VPS41: variants seen among roughly 807,000 people sequenced by gnomAD.
VPS41 encodes the protein vacuolar protein sorting-associated protein 41 homolog.
VPS41 carries 85 observed loss-of-function variants against 130.9 expected under a neutral mutation model. The ratio of observed to expected loss-of-function variants is 0.65; its 90% CI spans 0.55 to 0.78. The LOEUF (loss-of-function observed/expected upper bound fraction) is 0.78, where lower values mean the gene tolerates loss of function less well. Among genes scored for constraint, VPS41 ranks in the 30% least tolerant of loss-of-function variants. VPS41 has a pLI of 0.00. For synonymous variants in VPS41, 335 were observed against 332.9 expected (o/e 1.01, Z -0.07); for missense variants, 874 against 1,018.7 (o/e 0.86, Z 1.93).
intron 7 of VPS41, among the ~76,000 whole-genome samples, chr7:38,814,017 C>T (rs777689061): frequency 1.3e-5 from 2 of 152,148 alleles, no homozygotes; most frequent in Non-Finnish European, 2.9e-5. Flanking sequence ...TATCTTATTG[C>T]TTATCACAAT....
At chr7:38,874,098 A>G (rs1786433916) in intron 2 of VPS41, among the ~76,000 whole-genome samples, 1 of 152,190 alleles carries the variant, frequency 6.6e-6, no homozygotes, top group Non-Finnish European at 1.5e-5. Flanking sequence ...ACCAAAAATA[A>G]TTGTGCAGAA....
chr7:38,772,605 C>T lies in VPS41; in HGVS notation c.1045G>A (p.Val349Met), dbSNP rs148839769. The T allele has an allele frequency of 1.9e-5, 31 of 1,613,012 alleles. No homozygotes were observed. Among genetic ancestry groups the T allele is most frequent in the Non-Finnish European group, 2.6e-5 (31 of 1,179,442 alleles). Residue 349 changes from valine (V) to methionine (M), a missense_variant, in exon 13 of 29, where the codon GTG (valine) becomes ATG (methionine). Coordinates refer to ENST00000310301, the MANE Select transcript of VPS41 (RefSeq NM_014396.4). Reference sequence around the variant, plus strand: ...GCCACTACAACATCTCTCGGACTCACGATGTAAAAAAGTGATTCCCCTTCA... The same window carrying T: ...GCCACTACAACATCTCTCGGACTCATGATGTAAAAAAGTGATTCCCCTTCA... ...YSEGESLFYIVSPRDVVVAKE... is the reference protein window; with the variant it reads ...YSEGESLFYIMSPRDVVVAKE...
chr7:38,752,526 G>A (rs1332926408), intron 21 of VPS41, among the ~76,000 whole-genome samples: 1 of 152,166 alleles, frequency 6.6e-6, no homozygotes, highest in Non-Finnish European at 1.5e-5. Context: ...CCCAAAACCT[G>A]ACTCTGCCAC....
chr7:38,762,210 G>A (rs975379566), intron 17 of VPS41, among the ~76,000 whole-genome samples: 1 of 152,084 alleles, frequency 6.6e-6, no homozygotes, highest in African/African-American at 2.4e-5. Flanking sequence ...TGCTACCCAA[G>A]AAATATTTAT....
At chr7:38,866,117 T>C (rs1434812162) in intron 3 of VPS41, among the ~76,000 whole-genome samples, 1 of 152,054 alleles carries the variant, frequency 6.6e-6, no homozygotes, top group Non-Finnish European at 1.5e-5. Context: ...CAGAATGTGG[T>C]GTTGTGAATA....
chr7:38,726,158 A>G lies in VPS41; in HGVS notation c.*88T>C. The G allele has an allele frequency of 1.2e-6, 1 of 852,464 alleles. No homozygotes were observed. The highest frequency in any genetic ancestry group is 2.5e-5 in the East Asian group (1 of 40,250). The allele number at this position is 852,464 out of a possible 1,614,324, so 52.8% of individuals were successfully genotyped here. On this transcript the variant is annotated 3_prime_UTR_variant, in exon 29 of 29. Transcript: ENST00000310301. ...TAATATAAACATAAACAAATCTCTTAACAGCACGAGTGTCAACAAATGCTT... is the reference window on the plus strand; with the variant it reads ...TAATATAAACATAAACAAATCTCTTGACAGCACGAGTGTCAACAAATGCTT...
chr7:38,819,256 C>T (rs1785119016), intron 6 of VPS41, among the ~76,000 whole-genome samples: 1 of 152,228 alleles, frequency 6.6e-6, no homozygotes, highest in Non-Finnish European at 1.5e-5. Context: ...ATGCCTGTTT[C>T]ACAGGCAGAG....
At chr7:38,817,212 A>G (rs1342664547) in intron 7 of VPS41, among the ~76,000 whole-genome samples, 1 of 152,040 alleles carries the variant, frequency 6.6e-6, no homozygotes, top group East Asian at 1.9e-4. Context: ...TGCTTTTGTT[A>G]TTTTTAAATG....
At chr7:38,769,427 T>C (rs903287510) in intron 14 of VPS41, among the ~76,000 whole-genome samples, 24 of 152,376 alleles carry the variant, frequency 1.6e-4, no homozygotes, top group African/African-American at 5.0e-4. Context: ...GTAGTGCTAA[T>C]AGGACCCTAA....
chr7:38,748,411 A>C (rs1220532255), intron 22 of VPS41, among the ~76,000 whole-genome samples: 1 of 152,118 alleles, frequency 6.6e-6, no homozygotes, highest in East Asian at 1.9e-4. Flanking sequence ...TAAATTAAAT[A>C]ATTATTTCTA....
intron 19 of VPS41, among the ~76,000 whole-genome samples, chr7:38,755,596 T>C (rs1251211091): frequency 2.0e-5 from 3 of 152,200 alleles, no homozygotes; most frequent in African/African-American, 7.2e-5. Flanking sequence ...TAGACTCTGC[T>C]ACGACCTAGC....
intron 2 of VPS41, among the ~76,000 whole-genome samples, chr7:38,869,803 C>T (rs550114957): frequency 3.4e-4 from 51 of 152,066 alleles, no homozygotes; most frequent in Non-Finnish European, 6.5e-4. Flanking sequence ...ATGGAATTAC[C>T]GTGGTTTGTA....
chr7:38,871,151 C>G (rs1257471345), intron 2 of VPS41, among the ~76,000 whole-genome samples: 3 of 151,974 alleles, frequency 2.0e-5, no homozygotes, highest in Non-Finnish European at 4.4e-5. Flanking sequence ...CATCAACCTA[C>G]AAACTCAAGA....
intron 16 of VPS41, among the ~76,000 whole-genome samples, chr7:38,764,813 C>T (rs1783999879): frequency 6.6e-6 from 1 of 151,754 alleles, no homozygotes; most frequent in African/African-American, 2.4e-5. Flanking sequence ...TCATCATCAG[C>T]AGTATATACA....
At chr7:38,843,809 G>A (rs188202119) in intron 4 of VPS41, among the ~76,000 whole-genome samples, 18 of 152,152 alleles carry the variant, frequency 1.2e-4, no homozygotes, top group African/African-American at 4.3e-4. Context: ...GTAACAATTC[G>A]TTCCAACTTG....
At chr7:38,863,265 T>G (rs945466623) in intron 3 of VPS41, among the ~76,000 whole-genome samples, 1 of 152,230 alleles carries the variant, frequency 6.6e-6, no homozygotes, top group Non-Finnish European at 1.5e-5. Flanking sequence ...TAAGTCCTAC[T>G]GTTTCTTTAA....
At chr7:38,791,939 T>C (rs867736418) in intron 9 of VPS41, among the ~76,000 whole-genome samples, 1 of 152,120 alleles carries the variant, frequency 6.6e-6, no homozygotes, top group Non-Finnish European at 1.5e-5. Flanking sequence ...CTGACAGTCT[T>C]CCAACACTCA....
intron 10 of VPS41, among the ~76,000 whole-genome samples, chr7:38,789,120 C>T (rs1784489892): frequency 6.6e-6 from 1 of 152,152 alleles, no homozygotes. Flanking sequence ...TTCCCAGAGT[C>T]ACTGATTCAT....
At chr7:38,768,544 A>G (rs1399570401) in intron 14 of VPS41, among the ~76,000 whole-genome samples, 1 of 152,190 alleles carries the variant, frequency 6.6e-6, no homozygotes, top group Non-Finnish European at 1.5e-5. Context: ...GAAGCAAAAT[A>G]CCCATCATTT....
Sources: gnomAD v4.1 joint callset for allele counts (sites outside exome capture counted in the v4.1 genomes callset) on GRCh38, gnomAD v4.1.1 for gene constraint, MANE v1.5 for transcripts, NCBI Gene and HGNC (gene_info 2026-07-23, HGNC 2026-07-21) for gene names.